The following LRP1 variants were observed in gnomAD, a reference collection of about 807,000 sequenced individuals.
LRP1 encodes prolow-density lipoprotein receptor-related protein 1.
In LRP1, 51 loss-of-function variants were observed where a neutral mutation model predicts 541.5. That is an observed-to-expected ratio of 0.09 (90% CI 0.08 to 0.12). LRP1 has a LOEUF of 0.12. Ranked by LOEUF, LRP1 falls within the 10% of genes least tolerant of loss-of-function variation. The probability of loss-of-function intolerance (pLI) is 1.00; values close to 1 mark genes in which losing one functional copy is unlikely to be tolerated. For synonymous variants in LRP1, 2,219 were observed against 2,470.8 expected, an observed-to-expected ratio of 0.90 and a Z score of 3.02; for missense variants, 3,878 against 6,376.2, an observed-to-expected ratio of 0.61 and a Z score of 13.34.
At chr12:57,161,293 A>G (rs967673941) in intron 13 of LRP1, among the ~76,000 whole-genome samples, 178 bp downstream of exon 13, 3 of 152,122 alleles carry the variant, frequency 2.0e-5, no homozygotes, top group Admixed American at 2.0e-4. Flanking sequence ...GTGAGCTTGC[A>G]TGTCTTATGT....
At chr12:57,149,348 C>T (rs986279259) in intron 6 of LRP1, 1 of 480,762 alleles carries the variant, frequency 2.1e-6, no homozygotes, top group Non-Finnish European at 3.7e-6. Context: ...TAACAGCTCA[C>T]TCTTGCTCCT....
chr12:57,200,375 C>T, intron 62 of LRP1, 67 bp from the exon 63 acceptor site: 1 of 996,858 alleles, frequency 1.0e-6, no homozygotes, highest in Non-Finnish European at 1.6e-6. Flanking sequence ...ATCCAAGCCC[C>T]TCAAAAGAAA....
chr12:57,133,518 C>G (rs1245241100), intron 1 of LRP1, among the ~76,000 whole-genome samples: 1 of 152,092 alleles, frequency 6.6e-6, no homozygotes, highest in East Asian at 1.9e-4. Context: ...ACCCAAAATA[C>G]AAAAAATTCA....
Position 57,173,281 on chromosome 12 carries a change from G to A in LRP1, c.3277G>A (p.Asp1093Asn), listed in dbSNP as rs1187918114. ...GGACACTGACTGCATGGACTCCAGCGATGAGAAGAGCTGTGAGGGAGTGAC... is the reference window on the plus strand; with the variant it reads ...GGACACTGACTGCATGGACTCCAGCAATGAGAAGAGCTGTGAGGGAGTGAC... ...DGDTDCMDSS[D>N]EKSCEGVTHV... The change falls in exon 21 of 89, where the codon GAT (aspartate) becomes AAT (asparagine). Residue 1093 changes from aspartate to asparagine, a missense_variant. Around this residue, in one of 13 missense-constraint regions of LRP1, gnomAD observed 320 missense variants for 547.9 expected, o/e 0.58. Transcript: ENST00000243077. The surrounding 1 kb of genome is among the most constrained non-coding windows in gnomAD (Gnocchi z 4.7). The A allele has an allele frequency of 6.2e-7, 1 of 1,614,134 alleles. No homozygotes were observed. Among genetic ancestry groups the A allele is most frequent in the Non-Finnish European group, 8.5e-7 (1 of 1,180,020 alleles).
Position 57,201,364 on chromosome 12 carries a change from G to A in LRP1, c.10346-133G>A. 3 of 1,425,598 alleles carry A rather than the reference G, an allele frequency of 2.1e-6. No individual in the cohort carries two copies. Among genetic ancestry groups the A allele is most frequent in the Non-Finnish European group, 2.9e-6 (3 of 1,052,496 alleles). 88.3% of individuals were successfully genotyped at this position (1,425,598 alleles called of 1,614,324 possible). On this transcript the variant is annotated intron_variant, in intron 65 of 88. Coordinates refer to ENST00000243077, the MANE Select transcript of LRP1 (RefSeq NM_002332.3). This position sits in a 1 kb window ranked among gnomAD's most constrained non-coding sequence, Gnocchi z 6.4. ...GAAAACAAAAAGCACCAAAACTGGGGATAAACTGTTCCTTCCTCCGAAGAA... is the reference window on the plus strand; with the variant it reads ...GAAAACAAAAAGCACCAAAACTGGGAATAAACTGTTCCTTCCTCCGAAGAA...
chr12:57,131,304 A>C (rs1263916327), intron 1 of LRP1, among the ~76,000 whole-genome samples: 4 of 152,138 alleles, frequency 2.6e-5, no homozygotes, highest in African/African-American at 9.7e-5. Context: ...GTCACTCCCC[A>C]CTAGCGACAA....
rs1157980200 is a variant in LRP1 at position 57,154,588 on chromosome 12, A to C, written c.1114A>C (p.Ile372Leu). 1 of 1,613,590 alleles carries C rather than the reference A, an allele frequency of 6.2e-7. No individual in the cohort carries two copies. Among genetic ancestry groups the C allele is most frequent in the Non-Finnish European group, 8.5e-7 (1 of 1,179,748 alleles). The change falls in exon 8 of 89, where the codon ATC becomes CTC. Residue 372 changes from isoleucine to leucine, a missense_variant. Physicochemically the swap from Ile to Leu is conservative, Grantham distance 5. This residue lies in a region of LRP1 where 496 missense variants were observed against 861.0 expected (regional missense o/e 0.58). Transcript: ENST00000243077. This position sits in a 1 kb window ranked among gnomAD's most constrained non-coding sequence, Gnocchi z 4.6. ...CAGCAAGATTGTGTTTCCTCATGGC[A>C]TCACGCTGGACCTGGTCAGCCGCCT... is the stretch of plus-strand genomic sequence containing the variant. Reference protein sequence around the residue: ...VDSKIVFPHGITLDLVSRLVY... With the variant: ...VDSKIVFPHGLTLDLVSRLVY...
In LRP1 at chr12:57,190,938, G is replaced by A; in HGVS notation, c.7165G>A (p.Glu2389Lys). ...PNGLAIDHRA[E>K]KLYFSDATLD... ...TGGCCTGGCCATCGACCACCGTGCC[G>A]AGAAGCTCTACTTCTCTGACGCCAC... Residue 2389 changes from glutamate (E) to lysine (K), a missense_variant, in exon 43 of 89, where the codon GAG (glutamate) becomes AAG (lysine). Transcript: ENST00000243077. 5 of 1,613,302 alleles carry A rather than the reference G, an allele frequency of 3.1e-6. No homozygotes were observed. Among genetic ancestry groups the A allele is most frequent in the Non-Finnish European group, 4.2e-6 (5 of 1,179,986 alleles).
At position 57,210,341 on chromosome 12, in the gene LRP1, C is replaced by A; in HGVS notation, c.12615C>A (p.Phe4205Leu). Residue 4205 changes from phenylalanine to leucine, a missense_variant, in exon 82 of 89, where the codon TTC becomes TTA. Coordinates refer to ENST00000243077, the MANE Select transcript of LRP1 (RefSeq NM_002332.3). ...CTGGAACCTGTAACCTGCAGTGCTT[C>A]AACGGTGGCAGCTGTTTCCTCAATG... is the stretch of plus-strand genomic sequence containing the variant. ...PRPGTCNLQCFNGGSCFLNAR... is the reference protein window; with the variant it reads ...PRPGTCNLQCLNGGSCFLNAR... 6.3e-7 allele frequency: 1 copy of A among 1,586,150 alleles called. No individual in the cohort carries two copies. The highest frequency in any genetic ancestry group is 8.6e-7 in the Non-Finnish European group (1 of 1,165,920).
chr12:57,162,301 T>C lies in LRP1; in HGVS notation c.2203-16T>C, dbSNP rs769900064. 11 of 1,611,390 alleles carry C rather than the reference T, an allele frequency of 6.8e-6. No individual in the cohort carries two copies. In the East Asian group the frequency reaches 2.5e-4, roughly 36 times the overall value. On this transcript the variant is annotated splice_polypyrimidine_tract_variant and intron_variant, in intron 13 of 88. Coordinates refer to ENST00000243077, the MANE Select transcript of LRP1 (RefSeq NM_002332.3). This position sits in a 1 kb window ranked among gnomAD's most constrained non-coding sequence, Gnocchi z 5.2. Reference sequence around the variant, plus strand: ...ATTTTCTTCCAACTCCTTAGTAACATCCTCTCCATCCCTAGATTGTGTATG... The same window carrying C: ...ATTTTCTTCCAACTCCTTAGTAACACCCTCTCCATCCCTAGATTGTGTATG...
chr12:57,180,669 G>T lies in LRP1; in HGVS notation c.5389G>T (p.Asp1797Tyr), dbSNP rs770795861. The T allele has an allele frequency of 6.2e-7, 1 of 1,614,040 alleles. No individual in the cohort carries two copies. The highest frequency in any genetic ancestry group is 8.5e-7 in the Non-Finnish European group (1 of 1,179,884). Reference protein sequence around the residue: ...GKATALAIMGDKLWWADQVSE... With the variant: ...GKATALAIMGYKLWWADQVSE... ...CTCATCCCCTCCTGCTGCCCCAGGG[G>T]ACAAGCTGTGGTGGGCTGATCAGGT... Residue 1797 changes from aspartate to tyrosine, a missense_variant and splice_region_variant, in exon 33 of 89, where the codon GAC becomes TAC. Asp to Tyr is a radical substitution (Grantham distance 160). Around this residue, in one of 13 missense-constraint regions of LRP1, gnomAD observed 394 missense variants for 635.9 expected, o/e 0.62. Transcript: ENST00000243077.
intron 77 of LRP1, 29 bp downstream of exon 77, chr12:57,208,245 T>C: frequency 6.2e-7 from 1 of 1,602,518 alleles, no homozygotes; most frequent in Non-Finnish European, 8.5e-7. Flanking sequence ...GGGAGGCCTC[T>C]GGGCTGGTGG....
rs775542853 is a variant in LRP1, at chr12:57,156,102, C to T, written c.1236C>T (p.His412=). 29 of 1,613,794 alleles carry T rather than the reference C, an allele frequency of 1.8e-5. No individual in the cohort carries two copies. The highest frequency in any genetic ancestry group is 2.3e-5 in the Non-Finnish European group (27 of 1,179,872). ...QTIIQGILIE[H]LYGLTVFENY... ...TTGCCTGCCCGTCTCAGATTGAGCACCTGTACGGCCTGACTGTGTTTGAGA... is the reference window on the plus strand; with the variant it reads ...TTGCCTGCCCGTCTCAGATTGAGCATCTGTACGGCCTGACTGTGTTTGAGA... The change falls in exon 9 of 89, where the codon CAC becomes CAT. Residue 412 remains histidine (H), a synonymous_variant. Transcript: ENST00000243077. The surrounding 1 kb of genome is among the most constrained non-coding windows in gnomAD (Gnocchi z 5.2).
At chr12:57,149,045 A>G (rs1228869261) in intron 6 of LRP1, 3 of 633,664 alleles carry the variant, frequency 4.7e-6, no homozygotes, top group Non-Finnish European at 8.5e-6. Flanking sequence ...GAGGCAAAGA[A>G]GGGGCAGACA....
At chr12:57,133,456 C>T (rs1369843240) in intron 1 of LRP1, among the ~76,000 whole-genome samples, 1 of 152,132 alleles carries the variant, frequency 6.6e-6, no homozygotes, top group Non-Finnish European at 1.5e-5. Flanking sequence ...GAGGCCCAGA[C>T]TCAGGAATGA....
chr12:57,163,128 G>C, intron 15 of LRP1, 145 bp downstream of exon 15: 2 of 1,236,224 alleles, frequency 1.6e-6, no homozygotes, highest in South Asian at 3.2e-5. Context: ...AGCAAGGGAG[G>C]GGGAGAGCAA....
At chr12:57,139,455 G>A (rs2035242065) in intron 2 of LRP1, among the ~76,000 whole-genome samples, 2 of 152,108 alleles carry the variant, frequency 1.3e-5, no homozygotes, top group Admixed American at 1.3e-4. Context: ...CTACGGCATG[G>A]TGCTTCAGCC....
chr12:57,188,157 CG>C (rs1181359092), intron 42 of LRP1, among the ~76,000 whole-genome samples: 2 of 152,164 alleles, frequency 1.3e-5, no homozygotes, highest in African/African-American at 4.8e-5. Context: ...AGAAAGCACC[CG>C]GGGGTGGGTG....
Position 57,211,725 on chromosome 12 carries a change from T to C in LRP1, c.13194-25T>C. The C allele has an allele frequency of 6.2e-7, 1 of 1,611,876 alleles. No individual in the cohort carries two copies. The highest frequency in any genetic ancestry group is 8.5e-7 in the Non-Finnish European group (1 of 1,178,666). On this transcript the variant is annotated intron_variant, in intron 85 of 88. Transcript: ENST00000243077. The surrounding 1 kb of genome is among the most constrained non-coding windows in gnomAD (Gnocchi z 4.3). ...CAGTGGCTATGGAGGTTATACCTAC[T>C]CAGCCGTGTCCCTCCTTTCTGCAGG...
Sources: allele counts gnomAD v4.1 joint callset (sites outside exome capture counted in the v4.1 genomes callset), GRCh38; gene constraint gnomAD v4.1.1; regional missense constraint gnomAD v4.1.1; non-coding constraint Gnocchi (gnomAD v3.1); transcripts MANE v1.5; gene names NCBI Gene and HGNC (gene_info 2026-07-23, HGNC 2026-07-21).